Variants in GRIA1 observed in about 807,000 individuals in gnomAD.
The protein encoded by GRIA1 is glutamate ionotropic receptor AMPA type subunit 1, also known as glutamate receptor 1.
In GRIA1, 31 loss-of-function variants were observed where a neutral mutation model predicts 99.2. That is an observed-to-expected ratio of 0.31 (90% confidence interval 0.23 to 0.42). GRIA1 has a LOEUF of 0.42. GRIA1 is among the 10% of genes least tolerant of loss of function. GRIA1 has a pLI of 1.00. For missense variants in GRIA1, 782 were observed against 1,157.5 expected (o/e 0.68, Z 4.71); for synonymous variants, 438 against 432.4 (o/e 1.01, Z -0.16).
intron 7 of GRIA1, among the ~76,000 whole-genome samples, chr5:153,678,581 C>T (rs1186519859): frequency 6.6e-6 from 1 of 152,150 alleles, no homozygotes; most frequent in African/African-American, 2.4e-5. Context: ...CTACCCCCAC[C>T]TCAGCTTATT....
intron 2 of GRIA1, among the ~76,000 whole-genome samples, chr5:153,592,924 CTCT>C (rs1764095052): frequency 6.6e-6 from 1 of 152,154 alleles, no homozygotes; most frequent in Non-Finnish European, 1.5e-5. Context: ...GAGTCTCTTT[CTCT>C]TCTTAGAGTC....
chr5:153,794,565 C>A, intron 13 of GRIA1, 56 bp from the exon 14 acceptor site: 1 of 1,207,790 alleles, frequency 8.3e-7, no homozygotes, highest in Non-Finnish European at 1.2e-6. Context: ...GGTCACGTGA[C>A]TTGCTGAGTG....
At chr5:153,491,311 G>T in intron 1 of GRIA1, 6 of 1,206,012 alleles carry the variant, frequency 5.0e-6, no homozygotes, top group Non-Finnish European at 6.2e-6. Flanking sequence ...CTTGGTAGAT[G>T]GTGCTTGATT....
chr5:153,777,942 G>T (rs1343087932), intron 13 of GRIA1, among the ~76,000 whole-genome samples: 3 of 152,188 alleles, frequency 2.0e-5, no homozygotes, highest in African/African-American at 7.2e-5. Context: ...GGTAGCCAGG[G>T]ATGCTTGTTG....
intron 11 of GRIA1, among the ~76,000 whole-genome samples, chr5:153,727,038 A>T (rs1385789998): frequency 1.3e-5 from 2 of 152,160 alleles, no homozygotes; most frequent in African/African-American, 4.8e-5. Context: ...CTTATCCACC[A>T]TGATCAAGTG....
chr5:153,616,926 T>C (rs1042735497), intron 2 of GRIA1, among the ~76,000 whole-genome samples: 3 of 152,192 alleles, frequency 2.0e-5, no homozygotes, highest in Non-Finnish European at 4.4e-5. Flanking sequence ...TGTTGGGAAG[T>C]TGAAATAACT....
chr5:153,605,487 T>G (rs1765362446), intron 2 of GRIA1, among the ~76,000 whole-genome samples: 1 of 152,260 alleles, frequency 6.6e-6, no homozygotes, highest in Non-Finnish European at 1.5e-5. Flanking sequence ...TGGGTGCACA[T>G]GTGCACATAT....
intron 2 of GRIA1, among the ~76,000 whole-genome samples, chr5:153,600,707 A>G (rs1347602769): frequency 6.6e-6 from 1 of 152,216 alleles, no homozygotes; most frequent in Non-Finnish European, 1.5e-5. Context: ...GAGAAGAAGC[A>G]GAGACACGTC....
At chr5:153,730,636 G>A (rs1230716440) in intron 11 of GRIA1, among the ~76,000 whole-genome samples, 1 of 152,088 alleles carries the variant, frequency 6.6e-6, no homozygotes, top group Non-Finnish European at 1.5e-5. Context: ...GAATAAATTA[G>A]TAAGTGCTCA....
chr5:153,540,624 A>G (rs540044609), intron 2 of GRIA1, among the ~76,000 whole-genome samples: 1 of 152,278 alleles, frequency 6.6e-6, no homozygotes, highest in East Asian at 1.9e-4. Context: ...CTGAGAATAT[A>G]CTTGTGACCA....
At chr5:153,643,138 A>G (rs1397863865) in intron 2 of GRIA1, among the ~76,000 whole-genome samples, 1 of 152,212 alleles carries the variant, frequency 6.6e-6, no homozygotes, top group Non-Finnish European at 1.5e-5. Flanking sequence ...GATTTGAAAA[A>G]GTGCACTGGG....
intron 5 of GRIA1, among the ~76,000 whole-genome samples, chr5:153,674,048 T>G (rs954521858): frequency 1.3e-5 from 2 of 152,202 alleles, no homozygotes; most frequent in Non-Finnish European, 2.9e-5. Context: ...GGTTGGGTAT[T>G]GGGATGGTAG....
chr5:153,583,636 C>T (rs909319103), intron 2 of GRIA1, among the ~76,000 whole-genome samples: 2 of 152,062 alleles, frequency 1.3e-5, no homozygotes, highest in African/African-American at 4.8e-5. Flanking sequence ...CTACAATGAC[C>T]CTATTTCCAA....
At chr5:153,578,442 T>A (rs1332289168) in intron 2 of GRIA1, among the ~76,000 whole-genome samples, 1 of 152,164 alleles carries the variant, frequency 6.6e-6, no homozygotes, top group Admixed American at 6.5e-5. Context: ...GTAGCTGGAA[T>A]GTTTATGGCA....
At chr5:153,670,382 G>A (rs368525231) in intron 5 of GRIA1, among the ~76,000 whole-genome samples, 13 of 152,182 alleles carry the variant, frequency 8.5e-5, no homozygotes, top group African/African-American at 3.1e-4. Context: ...GCATTCTTGT[G>A]CTGAATAGCT....
rs546863455 is a variant in GRIA1 at position 153,686,885 on chromosome 5, C to T, written c.1134+556C>T. Among the ~76,000 whole-genome samples, 11 of 152,262 alleles carry T rather than the reference C, an allele frequency of 7.2e-5. 2 individuals carry two copies. Among genetic ancestry groups the T allele is most frequent in the African/African-American group, 2.2e-4 (9 of 41,554 alleles). The stretch of plus-strand genomic sequence containing the variant: ...CGAATTCTACCAGAACCTATGTGCC[C>T]GGGCCTCTGCCGATTTCTTCACCCT... On this transcript the variant is annotated intron_variant, in intron 8 of 15. Coordinates refer to ENST00000285900, the MANE Select transcript of GRIA1 (RefSeq NM_000827.4).
intron 13 of GRIA1, among the ~76,000 whole-genome samples, chr5:153,782,993 GGAA>G (rs1764733557): frequency 1.3e-5 from 2 of 152,272 alleles, no homozygotes; most frequent in South Asian, 2.1e-4. Flanking sequence ...GAAAGGGAGA[GGAA>G]GAAGAGAGAG....
chr5:153,758,579 C>CTT (rs1490590190), intron 11 of GRIA1, among the ~76,000 whole-genome samples: 1 of 151,858 alleles, frequency 6.6e-6, no homozygotes, highest in Non-Finnish European at 1.5e-5. Context: ...TATTAATAGA[C>CTT]TTAAAGAGAA....
intron 2 of GRIA1, among the ~76,000 whole-genome samples, chr5:153,514,780 A>G (rs532174694): frequency 2.0e-3 from 301 of 152,288 alleles, no homozygotes; most frequent in South Asian, 0.011. Flanking sequence ...TAACCCTATT[A>G]AAAATGGGCA....
Sources: gnomAD v4.1 joint callset for allele counts (sites outside exome capture counted in the v4.1 genomes callset) on GRCh38, gnomAD v4.1.1 for gene constraint, MANE v1.5 for transcripts, NCBI Gene and HGNC (gene_info 2026-07-23, HGNC 2026-07-21) for gene names.